Variants in PTPRO observed in about 807,000 individuals in gnomAD.
The protein encoded by PTPRO is protein tyrosine phosphatase receptor type O.
A neutral mutation model predicts 145.2 loss-of-function variants in PTPRO; 62 were observed. That is an observed-to-expected ratio of 0.43 (90% CI 0.35 to 0.53). PTPRO has a LOEUF of 0.53. Among genes scored for constraint, PTPRO ranks in the 20% least tolerant of loss-of-function variants. The pLI, the probability that PTPRO is intolerant of heterozygous loss-of-function variation, is 0.01. For synonymous variants in PTPRO, 565 were observed against 514.7 expected, an observed-to-expected ratio of 1.10 and a Z score of -1.32; for missense variants, 1,345 against 1,482.7, an observed-to-expected ratio of 0.91 and a Z score of 1.53.
chr12:15,511,289 C>A (rs7309812), intron 7 of PTPRO, among the ~76,000 whole-genome samples: 87,380 of 152,058 alleles, frequency 0.57, 26,394 homozygotes, highest in Admixed American at 0.66. Flanking sequence ...CACTTTTCCT[C>A]CTCCAACACA....
In PTPRO at chr12:15,537,633, A is replaced by G. The variant is rs116074940; in HGVS notation, c.2165-8936A>G. 5.8e-3 allele frequency among the ~76,000 whole-genome samples: 876 copies of G among 152,334 alleles called. 15 individuals carry two copies. The highest frequency in any genetic ancestry group is 0.02 in the African/African-American group (835 of 41,578). On this transcript the variant is annotated intron_variant, in intron 12 of 26. Transcript: ENST00000281171. The stretch of plus-strand genomic sequence containing the variant: ...AAAAAATCTAAAATGCACAGGAGCT[A>G]AAGAATAGAAGAATCCAAGAATTTT...
At chr12:15,550,262 A>G (rs979854614) in intron 14 of PTPRO, among the ~76,000 whole-genome samples, 1 of 152,206 alleles carries the variant, frequency 6.6e-6, no homozygotes, top group Non-Finnish European at 1.5e-5. Context: ...AATGTTATTG[A>G]GAAAATCGTA....
intron 17 of PTPRO, among the ~76,000 whole-genome samples, chr12:15,563,313 G>A (rs1943821152): frequency 7.4e-6 from 1 of 135,068 alleles, no homozygotes; most frequent in South Asian, 2.6e-4. Flanking sequence ...ACTGTAACAT[G>A]TGCACATATT....
At chr12:15,520,054 T>C in intron 9 of PTPRO, 147 bp from the exon 10 acceptor site, 2 of 581,106 alleles carry the variant, frequency 3.4e-6, no homozygotes, top group Non-Finnish European at 6.2e-6. Flanking sequence ...AGAAAGAATA[T>C]TTTATTATAG....
At chr12:15,372,139 G>A (rs577515681) in intron 1 of PTPRO, among the ~76,000 whole-genome samples, 22 of 152,234 alleles carry the variant, frequency 1.4e-4, no homozygotes, top group African/African-American at 5.3e-4. Flanking sequence ...TGTGGGTCAA[G>A]AATTCTTATA....
chr12:15,512,138 G>A (rs1942454556), intron 7 of PTPRO, among the ~76,000 whole-genome samples: 1 of 151,588 alleles, frequency 6.6e-6, no homozygotes, highest in Non-Finnish European at 1.5e-5. Context: ...TTATTGAGAT[G>A]GAGTCTTGCT....
At chr12:15,464,897 T>C (rs902374810) in intron 1 of PTPRO, among the ~76,000 whole-genome samples, 2 of 152,184 alleles carry the variant, frequency 1.3e-5, no homozygotes, top group African/African-American at 4.8e-5. Context: ...ACTTGTACCA[T>C]TAAAATTTTC....
intron 25 of PTPRO, among the ~76,000 whole-genome samples, chr12:15,590,002 A>G (rs767290173): frequency 3.9e-5 from 6 of 152,202 alleles, no homozygotes. Flanking sequence ...GTGTGACTCT[A>G]TCCCAATTCA....
intron 1 of PTPRO, among the ~76,000 whole-genome samples, chr12:15,448,577 G>A (rs1182892417): frequency 6.6e-6 from 1 of 152,032 alleles, no homozygotes; most frequent in Non-Finnish European, 1.5e-5. Flanking sequence ...CTGTTGATGG[G>A]AGTGTAAATT....
rs561305452 is a variant in PTPRO at position 15,432,060 on chromosome 12, T to C, written c.76-51914T>C. Among the ~76,000 whole-genome samples, 415 of 152,282 alleles carry C rather than the reference T, an allele frequency of 2.7e-3. 5 individuals carry two copies. The highest frequency in any genetic ancestry group is 4.4e-3 in the Non-Finnish European group (299 of 68,014). The stretch of plus-strand genomic sequence containing the variant: ...CAGGTTGGTTATATAAATACACTCA[T>C]GTCATGGGGGTTTATTGTACAGATT... On this transcript the variant is annotated intron_variant, in intron 1 of 26. Coordinates refer to ENST00000281171, the MANE Select transcript of PTPRO (RefSeq NM_030667.3).
chr12:15,429,412 T>C (rs1293990501), intron 1 of PTPRO, among the ~76,000 whole-genome samples: 1 of 152,090 alleles, frequency 6.6e-6, no homozygotes, highest in Non-Finnish European at 1.5e-5. Flanking sequence ...ATGATGATGA[T>C]CTAAGAAGGC....
intron 12 of PTPRO, among the ~76,000 whole-genome samples, chr12:15,537,867 C>T (rs182970857): frequency 1.1e-3 from 164 of 152,192 alleles, no homozygotes; most frequent in Non-Finnish European, 1.7e-3. Flanking sequence ...TTCAGGAAGA[C>T]AATGACAGAC....
In PTPRO at chr12:15,322,871, G is replaced by T; in HGVS notation, c.75+70G>T. On this transcript the variant is annotated intron_variant, in intron 1 of 26. Transcript: ENST00000281171. The surrounding 1 kb of genome is among the most constrained non-coding windows in gnomAD (Gnocchi z 6.3). ...AGCCGCGCTCCGGCGCCCTCGCTCTGCCGTTGGGAGCGGCGCGCCCCAGGG... is the reference window on the plus strand; with the variant it reads ...AGCCGCGCTCCGGCGCCCTCGCTCTTCCGTTGGGAGCGGCGCGCCCCAGGG... 6.6e-7 allele frequency: 1 copy of T among 1,505,350 alleles called. No individual in the cohort carries two copies. The highest frequency in any genetic ancestry group is 9.1e-7 in the Non-Finnish European group (1 of 1,103,734). The allele number at this position is 1,505,350 out of a possible 1,614,324, so 93.2% of individuals were successfully genotyped here.
intron 18 of PTPRO, among the ~76,000 whole-genome samples, chr12:15,568,609 C>A (rs1034043614): frequency 1.3e-5 from 2 of 152,014 alleles, no homozygotes; most frequent in Admixed American, 6.6e-5. Context: ...CTTTAGAGAG[C>A]AAATTGGTTT....
chr12:15,527,519 G>A (rs1942866343), intron 12 of PTPRO, among the ~76,000 whole-genome samples: 1 of 152,196 alleles, frequency 6.6e-6, no homozygotes, highest in Non-Finnish European at 1.5e-5. Flanking sequence ...TCTGTAACTT[G>A]GCCAAAGGAG....
intron 1 of PTPRO, among the ~76,000 whole-genome samples, chr12:15,454,728 G>C (rs1941131703): frequency 6.6e-6 from 1 of 152,118 alleles, no homozygotes; most frequent in Admixed American, 6.5e-5. Context: ...TCGTGTTTAA[G>C]TCTTCAATAC....
At chr12:15,438,923 T>C (rs890569664) in intron 1 of PTPRO, among the ~76,000 whole-genome samples, 11 of 152,072 alleles carry the variant, frequency 7.2e-5, no homozygotes, top group Admixed American at 2.6e-4. Context: ...AGTCACCAGA[T>C]TGAGCAAGGT....
At chr12:15,555,109 G>T (rs922905638) in intron 15 of PTPRO, among the ~76,000 whole-genome samples, 2 of 151,982 alleles carry the variant, frequency 1.3e-5, no homozygotes, top group Admixed American at 6.5e-5. Flanking sequence ...GTGGTGGCGG[G>T]TGCCTGTAAT....
intron 1 of PTPRO, among the ~76,000 whole-genome samples, chr12:15,330,346 G>T (rs1866571618): frequency 6.6e-6 from 1 of 152,208 alleles, no homozygotes; most frequent in Admixed American, 6.5e-5. Context: ...AGAGCAAGAT[G>T]TAGGGTAATT....
Sources: allele counts gnomAD v4.1 joint callset (sites outside exome capture counted in the v4.1 genomes callset), GRCh38; gene constraint gnomAD v4.1.1; non-coding constraint Gnocchi (gnomAD v3.1); transcripts MANE v1.5; gene names NCBI Gene and HGNC (gene_info 2026-07-23, HGNC 2026-07-21).